The following NDUFA2 variants were observed in gnomAD, a reference collection of about 807,000 sequenced individuals.
The protein encoded by NDUFA2 is NADH:ubiquinone oxidoreductase subunit A2.
In NDUFA2, 9 loss-of-function variants were observed where a neutral mutation model predicts 11.4. The observed-to-expected ratio is 0.79, with a 90% CI of 0.48 to 1.38. The LOEUF (loss-of-function observed/expected upper bound fraction) is 1.38. Among genes scored for constraint, NDUFA2 ranks in the 40% most tolerant of loss-of-function variants. The probability of loss-of-function intolerance (pLI) is 0.00; values close to 1 mark genes in which losing one functional copy is unlikely to be tolerated. For synonymous variants in NDUFA2, 49 were observed against 54.0 expected, an observed-to-expected ratio of 0.91 and a Z score of 0.41; for missense variants, 150 against 131.2, an observed-to-expected ratio of 1.14 and a Z score of -0.70.
At position 140,647,335 on chromosome 5, in the gene NDUFA2, C is replaced by T. The variant is rs73271536; in HGVS notation, c.129G>A (p.Glu43=). ...VRDFIEKRYV[E]LKKANPDLPI... The stretch of plus-strand genomic sequence containing the variant: ...GTAGGTCGGGATTCGCCTTCTTCAG[C>T]TCCACGTAGCGTTTCTCAATGAAGT... The change falls in exon 2 of 3, where the codon GAG becomes GAA. Residue 43 remains glutamate, a synonymous_variant. Coordinates refer to ENST00000252102, the MANE Select transcript of NDUFA2 (RefSeq NM_002488.5). The T allele has an allele frequency of 5.7e-4, 911 of 1,606,374 alleles. 2 individuals carry two copies. The African/African-American group carries it at 0.011, about 19-fold the overall frequency.
At position 140,645,433 on chromosome 5, in the gene NDUFA2, A is replaced by G; in HGVS notation, c.*154T>C. 1 of 982,622 alleles carries G rather than the reference A, an allele frequency of 1.0e-6. No homozygotes were observed. The highest frequency in any genetic ancestry group is 1.6e-6 in the Non-Finnish European group (1 of 638,064). The allele number at this position is 982,622 out of a possible 1,614,324, so 60.9% of individuals were successfully genotyped here. A position where few individuals can be genotyped will look rare whatever the true frequency, so the allele number is the denominator to read the frequency against. On this transcript the variant is annotated 3_prime_UTR_variant, in exon 3 of 3. Coordinates refer to ENST00000252102, the MANE Select transcript of NDUFA2 (RefSeq NM_002488.5). ...ACTTTGCCTCAGTGGTTGCACAGTA[A>G]GGGGTAGAGGGTAGATGAGGACAAG...
At chr5:140,646,010 T>TC (rs1491287667) in intron 2 of NDUFA2, among the ~76,000 whole-genome samples, 2 of 44,960 alleles carry the variant, frequency 4.4e-5, no homozygotes, top group Non-Finnish European at 9.5e-5. Context: ...ATTCTCTCTC[T>TC]TTTTTTTTTT....
At chr5:140,645,784 G>GTA in intron 2 of NDUFA2, 106 bp from the exon 3 acceptor site, 15 of 1,539,012 alleles carry the variant, frequency 9.7e-6, no homozygotes, top group Non-Finnish European at 1.3e-5. Context: ...GACAGGAAGA[G>GTA]TATTAAAGAG....
chr5:140,646,009 CTTT>C (rs5871744), intron 2 of NDUFA2, among the ~76,000 whole-genome samples: 3 of 124,106 alleles, frequency 2.4e-5, no homozygotes, highest in Non-Finnish European at 3.4e-5. Context: ...CATTCTCTCT[CTTT>C]TTTTTTTTTT....
chr5:140,647,006 T>G (rs1436859717), intron 2 of NDUFA2: 1 of 451,370 alleles, frequency 2.2e-6, no homozygotes, highest in African/African-American at 2.0e-5. Flanking sequence ...AGCCCATTCT[T>G]AACTACAAAA....
chr5:140,645,801 T>A, intron 2 of NDUFA2, 123 bp from the exon 3 acceptor site: 1 of 1,478,358 alleles, frequency 6.8e-7, no homozygotes. Flanking sequence ...AGAGATATGA[T>A]CAAAATACAT....
chr5:140,646,079 C>T (rs1376708523), intron 2 of NDUFA2, among the ~76,000 whole-genome samples: 1 of 150,830 alleles, frequency 6.6e-6, no homozygotes, highest in Non-Finnish European at 1.5e-5. Context: ...GGCACGATCT[C>T]CACTCACTGC....
intron 2 of NDUFA2, among the ~76,000 whole-genome samples, chr5:140,646,452 T>G (rs371705862): frequency 6.6e-6 from 1 of 152,200 alleles, no homozygotes; most frequent in Non-Finnish European, 1.5e-5. Flanking sequence ...TATTAGTGCA[T>G]GTCTAATGTC....
At position 140,645,489 on chromosome 5, in the gene NDUFA2, G is replaced by A. The variant is rs554159431; in HGVS notation, c.*98C>T. The A allele has an allele frequency of 2.0e-6, 3 of 1,477,926 alleles. No individual in the cohort carries two copies. Among genetic ancestry groups the A allele is most frequent in the African/African-American group, 1.4e-5 (1 of 72,406 alleles). 91.6% of individuals were successfully genotyped at this position (1,477,926 alleles called of 1,614,324 possible). A position where few individuals can be genotyped will look rare whatever the true frequency, so the allele number is the denominator to read the frequency against. Reference sequence around the variant, plus strand: ...CCTGAGAAAGTATTTTACAGCACAAGCTTTATGAGGAATAGGAGAACACAT... The same window carrying A: ...CCTGAGAAAGTATTTTACAGCACAAACTTTATGAGGAATAGGAGAACACAT... On this transcript the variant is annotated 3_prime_UTR_variant, in exon 3 of 3. Coordinates refer to ENST00000252102, the MANE Select transcript of NDUFA2 (RefSeq NM_002488.5).
At position 140,647,248 on chromosome 5, in the gene NDUFA2, G is replaced by A. The variant is rs546569789; in HGVS notation, c.208+8C>T. The A allele has an allele frequency of 3.2e-6, 5 of 1,540,016 alleles. No individual in the cohort carries two copies. The African/African-American group carries it at 6.9e-5, about 21-fold the overall frequency. ...CGGAGCCCCAGACCCCTGGCGTCCC[G>A]CACTCACCGTAGCGGGCCCAGAGCT... On this transcript the variant is annotated splice_region_variant and intron_variant, in intron 2 of 2. Coordinates refer to ENST00000252102, the MANE Select transcript of NDUFA2 (RefSeq NM_002488.5).
rs2149800796 is a variant in NDUFA2, at chr5:140,645,592, C to CT, written c.294dup (p.Ala99SerfsTer23). 6.2e-7 allele frequency: 1 copy of CT among 1,614,156 alleles called. No homozygotes were observed. The highest frequency in any genetic ancestry group is 8.5e-7 in the Non-Finnish European group (1 of 1,180,036). Reference sequence around the variant, plus strand: ...CTTAATCCTCAGTGGAGGCTTCAGGCTTTACCACTTAGAACGTTCTCCAGG... The same window carrying CT: ...CTTAATCCTCAGTGGAGGCTTCAGGCTTTTACCACTTAGAACGTTCTCCAGG... On this transcript the variant is annotated frameshift_variant, in exon 3 of 3. Coordinates refer to ENST00000252102, the MANE Select transcript of NDUFA2 (RefSeq NM_002488.5). LOFTEE classifies it high-confidence loss of function.
In NDUFA2 at chr5:140,647,628, T is replaced by G. The variant is rs765201873; in HGVS notation, c.-45A>C. 5 of 1,594,936 alleles carry G rather than the reference T, an allele frequency of 3.1e-6. No individual in the cohort carries two copies. The Admixed American group carries it at 6.9e-5, about 22-fold the overall frequency. On this transcript the variant is annotated 5_prime_UTR_variant, in exon 1 of 3. Coordinates refer to ENST00000252102, the MANE Select transcript of NDUFA2 (RefSeq NM_002488.5). ...GCCAATTCCAGGTCTTCAGGCCAAGTGCTCCGGTCTGACCAACCGCGGACC... is the reference window on the plus strand; with the variant it reads ...GCCAATTCCAGGTCTTCAGGCCAAGGGCTCCGGTCTGACCAACCGCGGACC...
chr5:140,647,199 C>T, intron 2 of NDUFA2, 57 bp downstream of exon 2: 2 of 1,507,154 alleles, frequency 1.3e-6, no homozygotes, highest in Non-Finnish European at 1.8e-6. Context: ...GGTCCCTTCT[C>T]TTCTCAAACC....
chr5:140,646,111 A>G (rs894849566), intron 2 of NDUFA2, among the ~76,000 whole-genome samples: 3 of 151,462 alleles, frequency 2.0e-5, no homozygotes, highest in Non-Finnish European at 2.9e-5. Context: ...CCTGGGTTCA[A>G]GCAATTCTCC....
chr5:140,647,595 T>A lies in NDUFA2; in HGVS notation c.-12A>T, dbSNP rs773615023. On this transcript the variant is annotated 5_prime_UTR_variant, in exon 1 of 3. Transcript: ENST00000252102. ...GCGGCCGCCGCCATCCTTGTTAATA[T>A]CGAAGTCGCCAATTCCAGGTCTTCA... 7 of 1,608,406 alleles carry A rather than the reference T, an allele frequency of 4.4e-6. No individual in the cohort carries two copies. Among genetic ancestry groups the A allele is most frequent in the Non-Finnish European group, 5.9e-6 (7 of 1,179,630 alleles).
chr5:140,645,774 G>A, intron 2 of NDUFA2, 96 bp from the exon 3 acceptor site: 1 of 1,570,842 alleles, frequency 6.4e-7, no homozygotes, highest in Non-Finnish European at 8.7e-7. Flanking sequence ...GTCTTGTTAA[G>A]ACAGGAAGAG....
At chr5:140,647,156 A>T in intron 2 of NDUFA2, 100 bp downstream of exon 2, 4 of 1,278,936 alleles carry the variant, frequency 3.1e-6, no homozygotes, top group Non-Finnish European at 4.3e-6. Flanking sequence ...TCCGAGTTCT[A>T]GTTTCTCCAC....
chr5:140,646,478 A>G (rs960327804), intron 2 of NDUFA2, among the ~76,000 whole-genome samples: 2 of 152,084 alleles, frequency 1.3e-5, no homozygotes, highest in Non-Finnish European at 2.9e-5. Context: ...TGTCTCACAG[A>G]TATCTACTCT....
intron 2 of NDUFA2, among the ~76,000 whole-genome samples, chr5:140,646,154 G>A (rs1757386087): frequency 6.6e-6 from 1 of 151,964 alleles, no homozygotes; most frequent in South Asian, 2.1e-4. Flanking sequence ...GGGATTACAG[G>A]TGCCCGCCAC....
Sources: gnomAD v4.1 joint callset for allele counts (sites outside exome capture counted in the v4.1 genomes callset) on GRCh38, gnomAD v4.1.1 for gene constraint, MANE v1.5 for transcripts, NCBI Gene and HGNC (gene_info 2026-07-23, HGNC 2026-07-21) for gene names.